COL4A5: variants seen among roughly 807,000 people sequenced by gnomAD.
COL4A5 encodes the protein collagen alpha-5(IV) chain.
COL4A5 carries 26 observed loss-of-function variants against 130.2 expected under a neutral mutation model. The observed-to-expected ratio is 0.20, with a 90% CI of 0.15 to 0.28. COL4A5 has a LOEUF of 0.28. Ranked by LOEUF, COL4A5 falls within the 10% of genes least tolerant of loss-of-function variation. The pLI is 1.00. For missense variants in COL4A5, 1,131 were observed against 1,344.3 expected, an observed-to-expected ratio of 0.84 and a Z score of 2.48; for synonymous variants, 496 against 439.6, an observed-to-expected ratio of 1.13 and a Z score of -1.60.
intron 1 of COL4A5, among the ~76,000 whole-genome samples, chrX:108,451,668 C>A (rs1443284894): frequency 9.2e-6 from 1 of 108,773 alleles, no homozygotes; most frequent in Non-Finnish European, 1.9e-5. Context: ...TGTTCATGTC[C>A]TTCACCCACT....
intron 1 of COL4A5, among the ~76,000 whole-genome samples, chrX:108,487,847 G>T (rs1400778274): frequency 8.9e-6 from 1 of 112,163 alleles, no homozygotes; most frequent in East Asian, 2.8e-4. Flanking sequence ...CTAAGCATCA[G>T]CCTGATTAGC....
At chrX:108,465,258 T>C (rs2064694579) in intron 1 of COL4A5, among the ~76,000 whole-genome samples, 1 of 112,507 alleles carries the variant, frequency 8.9e-6, no homozygotes, top group African/African-American at 3.2e-5. Context: ...TTTTACATTC[T>C]CACCAGCAGT....
At chrX:108,608,369 C>G (rs1177075990) in intron 29 of COL4A5, among the ~76,000 whole-genome samples, 1 of 111,176 alleles carries the variant, frequency 9.0e-6, no homozygotes, top group Non-Finnish European at 1.9e-5. Flanking sequence ...CTACAATGAA[C>G]CTTTTATCTC....
chrX:108,562,919 G>A (rs1187074966), intron 3 of COL4A5, among the ~76,000 whole-genome samples: 1 of 111,524 alleles, frequency 9.0e-6, no homozygotes. Context: ...TAGTCCCTGA[G>A]TTACCCACAC....
At chrX:108,551,922 T>C (rs1476516102) in intron 2 of COL4A5, among the ~76,000 whole-genome samples, 1 of 112,261 alleles carries the variant, frequency 8.9e-6, no homozygotes, top group African/African-American at 3.2e-5. Flanking sequence ...TGGATGCAAC[T>C]GGAAGCCATT....
In COL4A5 at chrX:108,521,535, T is replaced by C. The variant is rs180931915; in HGVS notation, c.82-18211T>C. Among the ~76,000 whole-genome samples, 4 of 111,583 alleles carry C rather than the reference T, an allele frequency of 3.6e-5. No individual in the cohort carries two copies. The East Asian group carries it at 1.1e-3, about 31-fold the overall frequency. ...TTCCCTAAACACCCAGTTTTTCTTCTATAACCTATTGCACTGCATGTGAAG... is the reference window on the plus strand; with the variant it reads ...TTCCCTAAACACCCAGTTTTTCTTCCATAACCTATTGCACTGCATGTGAAG... On this transcript the variant is annotated intron_variant, in intron 1 of 52. Transcript: ENST00000328300.
intron 2 of COL4A5, among the ~76,000 whole-genome samples, chrX:108,545,874 G>C (rs1229399515): frequency 9.0e-6 from 1 of 110,868 alleles, no homozygotes; most frequent in Non-Finnish European, 1.9e-5. Flanking sequence ...GGCCTTCTTT[G>C]TCTCTTTTGA....
intron 24 of COL4A5, among the ~76,000 whole-genome samples, 190 bp downstream of exon 24, chrX:108,597,758 T>G (rs1472523060): frequency 8.9e-6 from 1 of 112,007 alleles, no homozygotes; most frequent in African/African-American, 3.2e-5. Context: ...TTCTTTCACT[T>G]GTTTTGTAAA....
intron 37 of COL4A5, among the ~76,000 whole-genome samples, chrX:108,656,825 A>G (rs2067851746): frequency 8.9e-6 from 1 of 111,775 alleles, no homozygotes; most frequent in Non-Finnish European, 1.9e-5. Flanking sequence ...TTTCTTCTTA[A>G]GTACTTTTGT....
intron 1 of COL4A5, among the ~76,000 whole-genome samples, chrX:108,528,802 T>G (rs2065351432): frequency 8.9e-6 from 1 of 112,474 alleles, no homozygotes; most frequent in South Asian, 3.7e-4. Context: ...GAGCGAAGCT[T>G]TGTGTCATTT....
At chrX:108,571,051 G>A (rs1035567326) in intron 6 of COL4A5, among the ~76,000 whole-genome samples, 7 of 111,951 alleles carry the variant, frequency 6.3e-5, no homozygotes, top group African/African-American at 2.3e-4. Context: ...ATGCAACAGA[G>A]CAGTTAAAAT....
chrX:108,590,966 A>T, intron 19 of COL4A5, 92 bp from the exon 20 acceptor site: 1 of 838,716 alleles, frequency 1.2e-6, no homozygotes, highest in Non-Finnish European at 1.7e-6. Flanking sequence ...ATTATATGTT[A>T]AAGGAAGATC....
intron 36 of COL4A5, among the ~76,000 whole-genome samples, chrX:108,654,893 C>G (rs991073778): frequency 1.8e-5 from 2 of 112,607 alleles, no homozygotes; most frequent in African/African-American, 6.4e-5. Context: ...AACACAGGTT[C>G]TGAAGTCAGA....
At position 108,681,869 on chromosome X, in the gene COL4A5, A is replaced by G. The variant is rs2147982304; in HGVS notation, c.4197A>G (p.Gln1399=). ...GGCTAAAGGGTCTACCAGGACCCCA[A>G]GGACCTCAAGGCTTACCAGGTACCA... ...QPGLKGLPGP[Q]GPQGLPGPTG... Residue 1399 remains glutamine, a synonymous_variant, in exon 47 of 53, where the codon CAA becomes CAG. Coordinates refer to ENST00000328300, the MANE Select transcript of COL4A5 (RefSeq NM_033380.3). 8.3e-7 allele frequency: 1 copy of G among 1,209,386 alleles called. No homozygotes were observed. The highest frequency in any genetic ancestry group is 1.1e-6 in the Non-Finnish European group (1 of 894,114).
intron 42 of COL4A5, among the ~76,000 whole-genome samples, chrX:108,671,939 A>T (rs1354193824): frequency 1.8e-5 from 2 of 111,990 alleles, no homozygotes; most frequent in African/African-American, 6.5e-5. Flanking sequence ...CACATATGAA[A>T]AAATGGAGGC....
intron 36 of COL4A5, chrX:108,626,845 T>A (rs1248276128): frequency 1.3e-6 from 1 of 772,761 alleles, no homozygotes; most frequent in East Asian, 1.3e-4. Flanking sequence ...TCTCAAGTAA[T>A]CAAATTTAGA....
chrX:108,469,482 G>T (rs2064742993), intron 1 of COL4A5, among the ~76,000 whole-genome samples: 1 of 109,735 alleles, frequency 9.1e-6, no homozygotes, highest in African/African-American at 3.3e-5. Flanking sequence ...TATCTGTAAG[G>T]TTAGTAGTAA....
At position 108,573,643 on chromosome X, in the gene COL4A5, C is replaced by G. The variant is rs199737625; in HGVS notation, c.535C>G (p.Pro179Ala). ...PKGNPGYPGPPGIQGLPGPTG... is the reference protein window; with the variant it reads ...PKGNPGYPGPAGIQGLPGPTG... ...GGGTAATCCAGGATATCCAGGTCCTCCTGGAATACAAGTAAGTATCCAGTG... is the reference window on the plus strand; with the variant it reads ...GGGTAATCCAGGATATCCAGGTCCTGCTGGAATACAAGTAAGTATCCAGTG... The change falls in exon 9 of 53, where the codon CCT becomes GCT. Residue 179 changes from proline (P) to alanine (A), a missense_variant. Pro to Ala is a conservative substitution (Grantham distance 27). Transcript: ENST00000328300. The G allele has an allele frequency of 8.4e-7, 1 of 1,186,055 alleles. No individual in the cohort carries two copies. Among genetic ancestry groups the G allele is most frequent in the East Asian group, 3.0e-5 (1 of 33,637 alleles).
chrX:108,519,996 T>G (rs1283611659), intron 1 of COL4A5, among the ~76,000 whole-genome samples: 2 of 112,002 alleles, frequency 1.8e-5, no homozygotes, highest in African/African-American at 6.5e-5. Flanking sequence ...CATTTTTGTT[T>G]CTTTTTTTTA....
Sources: gnomAD v4.1 joint callset for allele counts (sites outside exome capture counted in the v4.1 genomes callset) on GRCh38, gnomAD v4.1.1 for gene constraint, MANE v1.5 for transcripts, NCBI Gene and HGNC (gene_info 2026-07-23, HGNC 2026-07-21) for gene names.